Variants in HS1BP3 observed in about 807,000 individuals in gnomAD.
HS1BP3 encodes HCLS1-binding protein 3.
HS1BP3 carries 32 observed loss-of-function variants against 33.5 expected under a neutral mutation model. The observed-to-expected ratio is 0.95, with a 90% confidence interval of 0.72 to 1.28. The LOEUF is 1.28. Ranked by LOEUF, HS1BP3 falls within the 50% of genes most tolerant of loss-of-function variation. The pLI is 0.00. For missense variants in HS1BP3, 486 were observed against 502.3 expected (o/e 0.97, Z 0.31); for synonymous variants, 187 against 209.2 (o/e 0.89, Z 0.92).
chr2:20,613,070 C>T (rs575975370), downstream of HS1BP3, among the ~76,000 whole-genome samples: 1 of 152,270 alleles, frequency 6.6e-6, no homozygotes, highest in African/African-American at 2.4e-5. Context: ...GAGTCAAGCT[C>T]AGCCTCTCTG....
intron 2 of HS1BP3, among the ~76,000 whole-genome samples, chr2:20,610,760 G>A (rs765392603): frequency 1.3e-5 from 2 of 152,246 alleles, no homozygotes; most frequent in African/African-American, 4.8e-5. Context: ...AAATGCTGGA[G>A]AGTATGGTAA....
rs1275402175 is a variant in HS1BP3 at position 20,611,206 on chromosome 2, T to C, written c.178+12690A>G. 6.6e-6 allele frequency among the ~76,000 whole-genome samples: 1 copy of C among 152,208 alleles called. No individual in the cohort carries two copies. The highest frequency in any genetic ancestry group is 1.5e-5 in the Non-Finnish European group (1 of 68,038). ...GCTTGTTCATTGACCGTTTGTTTGA[T>C]GGATATTTGGGTTGTTTCCTTTGGG... On this transcript the variant is annotated intron_variant, in intron 2 of 3. Coordinates refer to the HS1BP3 transcript ENST00000415264. The surrounding 1 kb of genome is among the most constrained non-coding windows in gnomAD (Gnocchi z 4.9).
chr2:20,556,413 C>T (rs376953860), downstream of HS1BP3, among the ~76,000 whole-genome samples: 1 of 152,200 alleles, frequency 6.6e-6, no homozygotes, highest in Non-Finnish European at 1.5e-5. Flanking sequence ...CTCATCAATC[C>T]GAGTTTATGT....
At chr2:20,568,584 G>T (rs1693191694) in intron 5 of HS1BP3, among the ~76,000 whole-genome samples, 1 of 152,102 alleles carries the variant, frequency 6.6e-6, no homozygotes, top group East Asian at 1.9e-4. Context: ...GAGGTGACAG[G>T]AACCAAATCA....
intron 2 of HS1BP3, 124 bp downstream of exon 2, chr2:20,645,216 C>T: frequency 2.1e-6 from 2 of 969,050 alleles, no homozygotes; most frequent in African/African-American, 1.6e-5. Flanking sequence ...ACTCCAGGCC[C>T]TGAGCAAGCA....
chr2:20,610,130 C>T (rs915572495), intron 2 of HS1BP3, among the ~76,000 whole-genome samples: 2 of 152,140 alleles, frequency 1.3e-5, no homozygotes, highest in Admixed American at 6.5e-5. Flanking sequence ...GCCTCCTGCC[C>T]CCACACATGC....
At chr2:20,624,219 C>T (rs1480733583) in intron 5 of HS1BP3, among the ~76,000 whole-genome samples, 188 bp from the exon 6 acceptor site, 1 of 152,140 alleles carries the variant, frequency 6.6e-6, no homozygotes, top group East Asian at 1.9e-4. Context: ...CAGGGGCCCC[C>T]GGGGCCCTCG....
At chr2:20,568,636 T>A (rs1037967579) in intron 5 of HS1BP3, among the ~76,000 whole-genome samples, 4 of 152,110 alleles carry the variant, frequency 2.6e-5, no homozygotes, top group South Asian at 4.1e-4. Context: ...TGCTGACACA[T>A]CTGCCTGTCT....
downstream of HS1BP3, among the ~76,000 whole-genome samples, chr2:20,590,112 C>T (rs1360553263): frequency 3.3e-5 from 5 of 152,092 alleles, no homozygotes; most frequent in African/African-American, 4.8e-5. Flanking sequence ...GGAGTCACCC[C>T]GCCCTCCAGG....
intron 1 of HS1BP3, among the ~76,000 whole-genome samples, chr2:20,649,662 G>A (rs919788336): frequency 6.6e-6 from 1 of 152,246 alleles, no homozygotes; most frequent in Non-Finnish European, 1.5e-5. Context: ...TGTGGGAGGA[G>A]ATCGGGCTGG....
chr2:20,553,965 C>T, the HS1BP3 span, among the ~76,000 whole-genome samples: 31 of 152,296 alleles, frequency 2.0e-4, no homozygotes, highest in African/African-American at 5.8e-4. Flanking sequence ...GGATGAAGGA[C>T]GGTTTAGTAT....
chr2:20,580,393 C>T (rs972143441), intron 5 of HS1BP3, among the ~76,000 whole-genome samples: 6 of 152,118 alleles, frequency 3.9e-5, no homozygotes, highest in Non-Finnish European at 7.4e-5. Flanking sequence ...TCAGTGTGCA[C>T]CTGTAATCCC....
At chr2:20,573,885 C>A (rs13408717) in intron 5 of HS1BP3, among the ~76,000 whole-genome samples, 4 of 152,186 alleles carry the variant, frequency 2.6e-5, no homozygotes, top group African/African-American at 4.8e-5. Context: ...GAGGGCCAAG[C>A]GCTTTGCTGC....
intron 4 of HS1BP3, 23 bp downstream of exon 4, chr2:20,638,413 C>T (rs1553323278): frequency 6.2e-7 from 1 of 1,604,666 alleles, no homozygotes; most frequent in South Asian, 1.1e-5. Context: ...CCAAAGGGGC[C>T]CTCTCAACAA....
In HS1BP3 at chr2:20,618,999, G is replaced by A. The variant is rs1694508143; in HGVS notation, c.1167C>T (p.Pro389=). The part of the protein sequence containing the change: ...QDHDTPAQAA[P]SLF ...CAGCATGGAAGGGTCAGAAGAGGCT[G>A]GGGGCGGCCTGGGCTGGTGTATCGT... The change falls in exon 7 of 7, where the codon CCC becomes CCT. Residue 389 remains proline (P), a synonymous_variant. Coordinates refer to ENST00000304031, the MANE Select transcript of HS1BP3 (RefSeq NM_022460.4). 6.8e-6 allele frequency: 11 copies of A among 1,613,780 alleles called. No individual in the cohort carries two copies. Among genetic ancestry groups the A allele is most frequent in the East Asian group, 4.5e-5 (2 of 44,870 alleles).
chr2:20,613,536 A>G (rs1694355821), downstream of HS1BP3, among the ~76,000 whole-genome samples: 1 of 152,256 alleles, frequency 6.6e-6, no homozygotes, highest in Non-Finnish European at 1.5e-5. Context: ...CCTGCCAGCC[A>G]GGATAGCTCT....
intron 4 of HS1BP3, among the ~76,000 whole-genome samples, chr2:20,632,820 C>G (rs1347691363): frequency 1.3e-5 from 2 of 152,306 alleles, no homozygotes; most frequent in Non-Finnish European, 2.9e-5. Flanking sequence ...GAAGCTGTAA[C>G]AGGTGACAGG....
At chr2:20,644,943 G>A (rs1023579057) in intron 2 of HS1BP3, among the ~76,000 whole-genome samples, 2 of 152,028 alleles carry the variant, frequency 1.3e-5, no homozygotes, top group South Asian at 2.1e-4. Flanking sequence ...TCCAACCTCC[G>A]TGCCTTTGCT....
At chr2:20,627,705 G>A (rs1306332390) in intron 4 of HS1BP3, among the ~76,000 whole-genome samples, 2 of 151,978 alleles carry the variant, frequency 1.3e-5, no homozygotes, top group African/African-American at 4.8e-5. Flanking sequence ...CACCCATGCT[G>A]CCTGGGCTGC....
Sources: allele counts gnomAD v4.1 joint callset (sites outside exome capture counted in the v4.1 genomes callset), GRCh38; gene constraint gnomAD v4.1.1; non-coding constraint Gnocchi (gnomAD v3.1); transcripts MANE v1.5; gene names NCBI Gene and HGNC (gene_info 2026-07-23, HGNC 2026-07-21).